SNTG1: variants seen among roughly 807,000 people sequenced by gnomAD.
The protein encoded by SNTG1 is syntrophin gamma 1, also known as gamma-1-syntrophin.
A neutral mutation model predicts 74.7 loss-of-function variants in SNTG1; 39 were observed. That is an observed-to-expected ratio of 0.52 (90% confidence interval 0.40 to 0.68). The LOEUF is 0.68. Among genes scored for constraint, SNTG1 ranks in the 30% least tolerant of loss-of-function variants. The pLI, the probability that SNTG1 is intolerant of heterozygous loss-of-function variation, is 0.00. For missense variants in SNTG1, 685 were observed against 609.5 expected (o/e 1.12, Z -1.30); for synonymous variants, 254 against 217.1 (o/e 1.17, Z -1.49).
intron 2 of SNTG1, among the ~76,000 whole-genome samples, chr8:50,388,202 G>C (rs1016490442): frequency 6.6e-6 from 1 of 152,044 alleles, no homozygotes; most frequent in African/African-American, 2.4e-5. Flanking sequence ...GAAATCCTAG[G>C]CTCACCCTTT....
chr8:50,390,883 G>C (rs1404879509), intron 2 of SNTG1, among the ~76,000 whole-genome samples: 1 of 152,084 alleles, frequency 6.6e-6, no homozygotes, highest in Non-Finnish European at 1.5e-5. Context: ...TCTGTTATTG[G>C]TGTATAAGAA....
chr8:50,681,866 A>G (rs2095332216), intron 15 of SNTG1, among the ~76,000 whole-genome samples: 1 of 152,190 alleles, frequency 6.6e-6, no homozygotes, highest in Admixed American at 6.5e-5. Flanking sequence ...GAATACCTCA[A>G]ATACAACCAA....
intron 1 of SNTG1, among the ~76,000 whole-genome samples, chr8:50,087,647 T>C (rs545880218): frequency 4.3e-4 from 65 of 152,296 alleles, no homozygotes; most frequent in African/African-American, 1.4e-3. Flanking sequence ...ATAAACTTAA[T>C]AACTTTCCTT....
intron 1 of SNTG1, among the ~76,000 whole-genome samples, chr8:50,031,048 A>C (rs1817702743): frequency 6.6e-6 from 1 of 151,916 alleles, no homozygotes; most frequent in Non-Finnish European, 1.5e-5. Context: ...ACTCTTATAG[A>C]ATTTTATTAG....
At chr8:50,392,187 G>A (rs2092671562) in intron 2 of SNTG1, among the ~76,000 whole-genome samples, 1 of 152,188 alleles carries the variant, frequency 6.6e-6, no homozygotes, top group Admixed American at 6.5e-5. Flanking sequence ...GCTAACAGTA[G>A]AGAATAATGG....
intron 1 of SNTG1, among the ~76,000 whole-genome samples, chr8:49,968,544 G>C (rs1359345495): frequency 2.0e-5 from 3 of 152,154 alleles, no homozygotes; most frequent in Non-Finnish European, 4.4e-5. Flanking sequence ...ATAAGGGCAA[G>C]AACTTGTAAT....
At chr8:50,232,432 A>C (rs1428397930) in intron 2 of SNTG1, among the ~76,000 whole-genome samples, 1 of 151,446 alleles carries the variant, frequency 6.6e-6, no homozygotes, top group African/African-American at 2.4e-5. Context: ...GAACATTCTG[A>C]ACTTAATAAA....
At chr8:49,961,375 T>C (rs1472551231) in intron 1 of SNTG1, among the ~76,000 whole-genome samples, 1 of 152,198 alleles carries the variant, frequency 6.6e-6, no homozygotes, top group East Asian at 1.9e-4. Context: ...TGAGAAACTT[T>C]TGATTATAGG....
chr8:50,042,101 T>C (rs776347905), intron 1 of SNTG1, among the ~76,000 whole-genome samples: 14 of 152,240 alleles, frequency 9.2e-5, no homozygotes, highest in Non-Finnish European at 1.8e-4. Context: ...ACTGTTTGTA[T>C]TTCTAACCTT....
intron 1 of SNTG1, among the ~76,000 whole-genome samples, chr8:49,989,453 T>C (rs923347071): frequency 9.9e-5 from 15 of 152,006 alleles, no homozygotes; most frequent in African/African-American, 3.6e-4. Context: ...AATTATTATT[T>C]TGAAAACTTC....
chr8:50,095,902 A>G (rs936711443), intron 1 of SNTG1, among the ~76,000 whole-genome samples: 15 of 152,120 alleles, frequency 9.9e-5, no homozygotes, highest in African/African-American at 3.6e-4. Flanking sequence ...TAAACAAAAT[A>G]CCTAAAATAT....
chr8:50,029,819 G>T (rs1339059066), intron 1 of SNTG1, among the ~76,000 whole-genome samples: 1 of 152,076 alleles, frequency 6.6e-6, no homozygotes, highest in Admixed American at 6.6e-5. Context: ...CAGGAGCGTA[G>T]ATATCTCTAT....
intron 13 of SNTG1, among the ~76,000 whole-genome samples, chr8:50,594,119 A>G (rs973471080): frequency 7.2e-5 from 11 of 152,204 alleles, no homozygotes; most frequent in African/African-American, 2.2e-4. Flanking sequence ...GCTGATGAAC[A>G]AAACAGGGAT....
chr8:50,296,096 G>A (rs1319039461), intron 2 of SNTG1, among the ~76,000 whole-genome samples: 2 of 152,040 alleles, frequency 1.3e-5, no homozygotes, highest in Admixed American at 6.6e-5. Context: ...CAGCTCCCCA[G>A]GAGAGATGGA....
chr8:50,715,226 A>G (rs2131575041), intron 17 of SNTG1, among the ~76,000 whole-genome samples: 1 of 152,280 alleles, frequency 6.6e-6, no homozygotes, highest in African/African-American at 2.4e-5. Context: ...AAGAATATTC[A>G]TACTATGTAA....
At chr8:49,923,062 C>G (rs1018711563) in intron 1 of SNTG1, among the ~76,000 whole-genome samples, 39 of 152,026 alleles carry the variant, frequency 2.6e-4, no homozygotes, top group African/African-American at 8.7e-4. Context: ...TTTCTTAGGT[C>G]TCATGAATCA....
At chr8:50,332,603 G>A (rs2091008473) in intron 2 of SNTG1, among the ~76,000 whole-genome samples, 1 of 152,082 alleles carries the variant, frequency 6.6e-6, no homozygotes, top group South Asian at 2.1e-4. Flanking sequence ...CTCCCTGATG[G>A]AATCAGCTCT....
At chr8:50,648,014 A>G (rs901308314) in intron 13 of SNTG1, among the ~76,000 whole-genome samples, 8 of 152,142 alleles carry the variant, frequency 5.3e-5, no homozygotes, top group Admixed American at 5.2e-4. Flanking sequence ...ATTATACCCA[A>G]GTCCTGGCAA....
chr8:50,232,192 A>G (rs1182286615), intron 2 of SNTG1, among the ~76,000 whole-genome samples: 1 of 151,486 alleles, frequency 6.6e-6, no homozygotes, highest in Non-Finnish European at 1.5e-5. Flanking sequence ...TATAGATGTA[A>G]AACTGTTTTT....
Sources: gnomAD v4.1 joint callset for allele counts (sites outside exome capture counted in the v4.1 genomes callset) on GRCh38, gnomAD v4.1.1 for gene constraint, MANE v1.5 for transcripts, NCBI Gene and HGNC (gene_info 2026-07-23, HGNC 2026-07-21) for gene names.